Variants in TESMIN observed in about 807,000 individuals in gnomAD.
TESMIN encodes CXC domain containing 2.
TESMIN carries 34 observed loss-of-function variants against 47.4 expected under a neutral mutation model. The observed-to-expected ratio is 0.72, with a 90% CI of 0.55 to 0.96. TESMIN has a LOEUF of 0.96. TESMIN is among the 40% of genes least tolerant of loss of function. The pLI, the probability that TESMIN is intolerant of heterozygous loss-of-function variation, is 0.00. For synonymous variants in TESMIN, 278 were observed against 258.9 expected, an observed-to-expected ratio of 1.07 and a Z score of -0.71; for missense variants, 610 against 637.2, an observed-to-expected ratio of 0.96 and a Z score of 0.46.
rs770232142 is a variant in TESMIN, at chr11:68,750,223, T to C, written c.438A>G (p.Glu146=). The C allele has an allele frequency of 6.6e-7, 1 of 1,518,466 alleles. No individual in the cohort carries two copies. Among genetic ancestry groups the C allele is most frequent in the South Asian group, 1.3e-5 (1 of 78,340 alleles). The allele number at this position is 1,518,466 out of a possible 1,614,324, so 94.1% of individuals were successfully genotyped here. A position where few individuals can be genotyped will look rare whatever the true frequency, so the allele number is the denominator to read the frequency against. ...AVLPLGAWVL[E]GASHPGVRMI... Reference sequence around the variant, plus strand: ...TGCGGACGCCCGGGTGGGAGGCTCCTTCCAGGACCCAGGCGCCCAGGGGCA... The same window carrying C: ...TGCGGACGCCCGGGTGGGAGGCTCCCTCCAGGACCCAGGCGCCCAGGGGCA... The change falls in exon 2 of 10, where the codon GAA becomes GAG. Residue 146 remains glutamate (E), a synonymous_variant. Transcript: ENST00000255087.
At chr11:68,746,729 T>G (rs977933024) in intron 3 of TESMIN, among the ~76,000 whole-genome samples, 4 of 152,196 alleles carry the variant, frequency 2.6e-5, no homozygotes, top group African/African-American at 9.7e-5. Flanking sequence ...ATGCCTATCC[T>G]ACAGAGTTGT....
intron 6 of TESMIN, chr11:68,732,492 T>C (rs1327149363): frequency 6.5e-6 from 1 of 152,890 alleles, no homozygotes; most frequent in Non-Finnish European, 1.5e-5. Context: ...GCAGCTCCCA[T>C]CCCCAGGAGC....
chr11:68,720,537 T>C (rs1946192547), intron 6 of TESMIN, among the ~76,000 whole-genome samples: 1 of 152,178 alleles, frequency 6.6e-6, no homozygotes, highest in Non-Finnish European at 1.5e-5. Flanking sequence ...CAGAACCACA[T>C]CCCAGCTTCC....
intron 6 of TESMIN, chr11:68,736,447 T>G (rs1019439395): frequency 2.6e-5 from 26 of 985,402 alleles, no homozygotes; most frequent in Non-Finnish European, 3.0e-5. Context: ...GGGCTGACAG[T>G]CTTGGTTGGG....
At chr11:68,734,832 G>A (rs1035901389) in intron 6 of TESMIN, among the ~76,000 whole-genome samples, 9 of 152,210 alleles carry the variant, frequency 5.9e-5, no homozygotes, top group South Asian at 2.1e-4. Flanking sequence ...TCTGTGCTCC[G>A]AGCGCCCGCA....
At chr11:68,720,417 C>T (rs376548372) in intron 6 of TESMIN, among the ~76,000 whole-genome samples, 21 of 152,250 alleles carry the variant, frequency 1.4e-4, no homozygotes, top group African/African-American at 2.4e-4. Context: ...TTAACCTTTG[C>T]GTTCAGATTT....
At chr11:68,704,968 A>AGT (rs1463804955), downstream of TESMIN, among the ~76,000 whole-genome samples, 1 of 152,196 alleles carries the variant, frequency 6.6e-6, no homozygotes, top group South Asian at 2.1e-4. Flanking sequence ...GGGGCCGGGC[A>AGT]GTGCTCCCTG....
intron 4 of TESMIN, among the ~76,000 whole-genome samples, chr11:68,743,015 C>T (rs963746545): frequency 6.6e-6 from 1 of 151,978 alleles, no homozygotes; most frequent in Non-Finnish European, 1.5e-5. Flanking sequence ...GTAGCTGAGA[C>T]TACAGGCCTG....
At chr11:68,734,213 A>C (rs1166792451) in intron 6 of TESMIN, among the ~76,000 whole-genome samples, 1 of 152,168 alleles carries the variant, frequency 6.6e-6, no homozygotes, top group Non-Finnish European at 1.5e-5. Flanking sequence ...GTGCCATGTG[A>C]TCATTGGGGA....
intron 6 of TESMIN, among the ~76,000 whole-genome samples, chr11:68,718,824 C>T (rs1370510267): frequency 6.6e-6 from 1 of 152,186 alleles, no homozygotes; most frequent in Non-Finnish European, 1.5e-5. Flanking sequence ...GCAGTAAGGC[C>T]TTCAAAAGTC....
At chr11:68,709,208 G>A (rs555436100) in intron 9 of TESMIN, among the ~76,000 whole-genome samples, 2 of 152,228 alleles carry the variant, frequency 1.3e-5, no homozygotes, top group East Asian at 3.9e-4. Flanking sequence ...ATTCACTGAC[G>A]AACCCAGAGG....
At chr11:68,705,049 C>T (rs550746346), downstream of TESMIN, among the ~76,000 whole-genome samples, 2 of 152,330 alleles carry the variant, frequency 1.3e-5, no homozygotes, top group African/African-American at 4.8e-5. Context: ...GAAGATGCCT[C>T]ACGGTGATCC....
chr11:68,713,461 C>G, intron 7 of TESMIN, 54 bp from the exon 8 acceptor site: 1 of 1,593,000 alleles, frequency 6.3e-7, no homozygotes, highest in Middle Eastern at 1.7e-4. Context: ...TAAAACTCAG[C>G]TCAATGAAGG....
chr11:68,746,621 C>T (rs886653401), intron 3 of TESMIN, among the ~76,000 whole-genome samples: 2 of 152,168 alleles, frequency 1.3e-5, no homozygotes, highest in Admixed American at 1.3e-4. Flanking sequence ...GTCCTTGCCA[C>T]GTGAGATCTG....
intron 6 of TESMIN, chr11:68,737,139 G>A (rs1458094527): frequency 2.0e-6 from 2 of 985,298 alleles, no homozygotes; most frequent in Non-Finnish European, 2.4e-6. Flanking sequence ...GAATCTGGAA[G>A]TAGCTGAAGT....
intron 2 of TESMIN, among the ~76,000 whole-genome samples, 189 bp downstream of exon 2, chr11:68,750,001 G>A (rs1946569480): frequency 6.6e-6 from 1 of 152,170 alleles, no homozygotes; most frequent in African/African-American, 2.4e-5. Flanking sequence ...TGGCTGGGCC[G>A]ATGCATGTTG....
Position 68,745,066 on chromosome 11 carries a change from T to TGTCTATACATA in TESMIN, c.665_675dup (p.Asn226TyrfsTer3). The TGTCTATACATA allele has an allele frequency of 6.3e-7, 1 of 1,592,366 alleles. No homozygotes were observed. The highest frequency in any genetic ancestry group is 8.5e-7 in the Non-Finnish European group (1 of 1,174,724). On this transcript the variant is annotated stop_gained and frameshift_variant, in exon 4 of 10. Coordinates refer to ENST00000255087, the MANE Select transcript of TESMIN (RefSeq NM_004923.3). LOFTEE classifies it high-confidence loss of function. ...GCTTTTAGTTCTCTTGTTCTAGAATTGTCTATACATAGCATTTGTGTGCCC... is the reference window on the plus strand; with the variant it reads ...GCTTTTAGTTCTCTTGTTCTAGAATTGTCTATACATAGTCTATACATAGCATTTGTGTGCCC...
chr11:68,725,282 C>T (rs1446123033), intron 6 of TESMIN, among the ~76,000 whole-genome samples: 2 of 152,066 alleles, frequency 1.3e-5, no homozygotes, highest in African/African-American at 2.4e-5. Flanking sequence ...AAATTGAATC[C>T]CTACCTAATG....
intron 7 of TESMIN, among the ~76,000 whole-genome samples, chr11:68,714,177 G>T (rs1205504231): frequency 6.6e-6 from 1 of 152,242 alleles, no homozygotes; most frequent in Non-Finnish European, 1.5e-5. Flanking sequence ...GCTTCCTGGG[G>T]TTGACATTTG....
Sources: allele counts gnomAD v4.1 joint callset (sites outside exome capture counted in the v4.1 genomes callset), GRCh38; gene constraint gnomAD v4.1.1; transcripts MANE v1.5; gene names NCBI Gene and HGNC (gene_info 2026-07-23, HGNC 2026-07-21).